The following FARP1 variants were observed in gnomAD, a reference collection of about 807,000 sequenced individuals.
The protein encoded by FARP1 is FERM, ARH/RhoGEF and pleckstrin domain protein 1.
FARP1 carries 52 observed loss-of-function variants against 128.8 expected under a neutral mutation model. That is an observed-to-expected ratio of 0.40 (90% CI 0.32 to 0.51). The LOEUF is 0.51. Ranked by LOEUF, FARP1 falls within the 20% of genes least tolerant of loss-of-function variation. The pLI, the probability that FARP1 is intolerant of heterozygous loss-of-function variation, is 0.45. For missense variants in FARP1, 1,333 were observed against 1,367.9 expected (o/e 0.97, Z 0.40); for synonymous variants, 580 against 551.8 (o/e 1.05, Z -0.72).
chr13:98,215,336 T>C (rs925377480), intron 2 of FARP1, among the ~76,000 whole-genome samples: 3 of 152,230 alleles, frequency 2.0e-5, no homozygotes, highest in Non-Finnish European at 2.9e-5. Context: ...CAGTTTTACC[T>C]GGATGCCTAC....
intron 2 of FARP1, among the ~76,000 whole-genome samples, chr13:98,314,480 A>G (rs1017030295): frequency 5.9e-5 from 9 of 151,732 alleles, no homozygotes; most frequent in Non-Finnish European, 7.4e-5. Flanking sequence ...GGGTTTCACC[A>G]TGTTGGCCAG....
At chr13:98,284,960 C>T (rs538621226) in intron 2 of FARP1, among the ~76,000 whole-genome samples, 1 of 152,272 alleles carries the variant, frequency 6.6e-6, no homozygotes, top group Non-Finnish European at 1.5e-5. Context: ...CCCCCTTGGA[C>T]CTGAAAGCCA....
At chr13:98,372,795 G>A (rs1285525916) in intron 5 of FARP1, among the ~76,000 whole-genome samples, 7 of 152,050 alleles carry the variant, frequency 4.6e-5, no homozygotes, top group Admixed American at 1.3e-4. Flanking sequence ...CTCTCCTCAC[G>A]TCCACTCTTC....
intron 1 of FARP1, among the ~76,000 whole-genome samples, chr13:98,174,676 G>A (rs1877873489): frequency 6.6e-6 from 1 of 152,178 alleles, no homozygotes; most frequent in African/African-American, 2.4e-5. Flanking sequence ...TGGGGCACTT[G>A]AACTGTCTGC....
intron 2 of FARP1, among the ~76,000 whole-genome samples, chr13:98,343,218 C>T (rs1014070165): frequency 1.3e-5 from 2 of 152,118 alleles, no homozygotes; most frequent in African/African-American, 4.8e-5. Flanking sequence ...ATAGCTGGAA[C>T]ACAGAGGAGT....
chr13:98,173,774 C>T (rs1213104118), intron 1 of FARP1, among the ~76,000 whole-genome samples: 1 of 152,192 alleles, frequency 6.6e-6, no homozygotes, highest in Non-Finnish European at 1.5e-5. Context: ...GTGGTGGGAC[C>T]TGGTCCAGAC....
intron 3 of FARP1, among the ~76,000 whole-genome samples, chr13:98,349,066 G>A (rs1344331147): frequency 2.6e-5 from 4 of 152,164 alleles, no homozygotes; most frequent in African/African-American, 4.8e-5. Flanking sequence ...AGTTGTATAC[G>A]GAAAATTTAT....
chr13:98,317,189 CAG>C (rs1270609674), intron 2 of FARP1, among the ~76,000 whole-genome samples: 3 of 152,064 alleles, frequency 2.0e-5, no homozygotes, highest in African/African-American at 7.2e-5. Flanking sequence ...TTGCAGGTAC[CAG>C]AGAGAGAGAA....
chr13:98,230,889 C>T (rs1224872208), intron 2 of FARP1, among the ~76,000 whole-genome samples: 1 of 152,142 alleles, frequency 6.6e-6, no homozygotes, highest in Non-Finnish European at 1.5e-5. Context: ...GTTTAATGGA[C>T]TCACAGGTTG....
At chr13:98,197,696 G>A (rs1481740098) in intron 1 of FARP1, among the ~76,000 whole-genome samples, 5 of 151,184 alleles carry the variant, frequency 3.3e-5, no homozygotes, top group Admixed American at 6.6e-5. Context: ...GTGCAGTGGC[G>A]CGATCTAGGC....
At chr13:98,370,844 G>A (rs1244472576) in intron 5 of FARP1, among the ~76,000 whole-genome samples, 3 of 152,172 alleles carry the variant, frequency 2.0e-5, no homozygotes, top group Admixed American at 2.0e-4. Context: ...CCTCAAATCA[G>A]CGAAGAAGGC....
At chr13:98,157,794 T>C (rs756029798) in intron 1 of FARP1, among the ~76,000 whole-genome samples, 10 of 152,256 alleles carry the variant, frequency 6.6e-5, no homozygotes, top group Non-Finnish European at 1.5e-4. Flanking sequence ...TCTGCATTCC[T>C]AATGCCTGGC....
chr13:98,239,650 G>A (rs1305853339), intron 2 of FARP1, among the ~76,000 whole-genome samples: 1 of 152,194 alleles, frequency 6.6e-6, no homozygotes, highest in African/African-American at 2.4e-5. Flanking sequence ...CAGGCACCAA[G>A]TGGCCTGGGG....
intron 1 of FARP1, among the ~76,000 whole-genome samples, chr13:98,163,635 C>G (rs1297923782): frequency 6.6e-6 from 1 of 151,284 alleles, no homozygotes; most frequent in Non-Finnish European, 1.5e-5. Flanking sequence ...CTCCCAGGTT[C>G]CAGCAATCAA....
At chr13:98,396,179 G>T (rs1178871678) in intron 13 of FARP1, 1 of 399,174 alleles carries the variant, frequency 2.5e-6, no homozygotes, top group East Asian at 3.6e-5. Context: ...GCTCCCGAGG[G>T]TAGAAGCCTG....
In FARP1 at chr13:98,250,022, A is replaced by G. The variant is rs7317189; in HGVS notation, c.171+36609A>G. ...CTTTTAAGCCTTGGAAAGGATAGGCATTTAATAAAAGAGAAAATAGATGAT... is the reference window on the plus strand; with the variant it reads ...CTTTTAAGCCTTGGAAAGGATAGGCGTTTAATAAAAGAGAAAATAGATGAT... On this transcript the variant is annotated intron_variant, in intron 2 of 26. Transcript: ENST00000319562. Among the ~76,000 whole-genome samples, 817 of 152,356 alleles carry G rather than the reference A, an allele frequency of 5.4e-3. 12 individuals are homozygous for G. Among genetic ancestry groups the G allele is most frequent in the African/African-American group, 0.019 (770 of 41,588 alleles).
chr13:98,225,186 G>A (rs1029155938), intron 2 of FARP1, among the ~76,000 whole-genome samples: 7 of 152,162 alleles, frequency 4.6e-5, no homozygotes, highest in Non-Finnish European at 1.0e-4. Context: ...TTGTAAGGAC[G>A]AAGATGACAT....
intron 2 of FARP1, among the ~76,000 whole-genome samples, chr13:98,331,520 T>C (rs1887508165): frequency 2.6e-5 from 4 of 152,272 alleles, no homozygotes; most frequent in South Asian, 4.2e-4. Context: ...TAAAGTACGG[T>C]GAGGTTTAAA....
chr13:98,444,544 G>A (rs907412339), intron 24 of FARP1, among the ~76,000 whole-genome samples: 18 of 152,216 alleles, frequency 1.2e-4, no homozygotes, highest in African/African-American at 1.4e-4. Flanking sequence ...CTCATGGCGC[G>A]CAGGGCCCGT....
Sources: allele counts gnomAD v4.1 joint callset (sites outside exome capture counted in the v4.1 genomes callset), GRCh38; gene constraint gnomAD v4.1.1; transcripts MANE v1.5; gene names NCBI Gene and HGNC (gene_info 2026-07-23, HGNC 2026-07-21).